The following SMARCA2 variants were observed in gnomAD, a reference collection of about 807,000 sequenced individuals.
SMARCA2 encodes SWI/SNF-related matrix-associated actin-dependent regulator of chromatin subfamily A member 2.
Under a neutral mutation model 199.8 loss-of-function variants are expected in SMARCA2, and 61 were observed. The observed-to-expected ratio is 0.31, with a 90% CI of 0.25 to 0.38. SMARCA2 has a LOEUF of 0.38. Ranked by LOEUF, SMARCA2 falls within the 10% of genes least tolerant of loss-of-function variation. The pLI, the probability that SMARCA2 is intolerant of heterozygous loss-of-function variation, is 1.00. For synonymous variants in SMARCA2, 935 were observed against 732.0 expected (o/e 1.28, Z -4.48); for missense variants, 1,344 against 2,012.2 (o/e 0.67, Z 6.35).
intron 27 of SMARCA2, among the ~76,000 whole-genome samples, chr9:2,155,587 G>A (rs7874706): frequency 1.3e-5 from 2 of 151,924 alleles, no homozygotes; most frequent in Admixed American, 6.6e-5. Context: ...GGGCATTTTC[G>A]TTTTTCCAAC....
intron 32 of SMARCA2, among the ~76,000 whole-genome samples, chr9:2,187,338 CCCAAATATT>C (rs1165070145): frequency 2.0e-5 from 3 of 152,044 alleles, no homozygotes; most frequent in African/African-American, 7.2e-5. Flanking sequence ...TGACTGATAA[CCCAAATATT>C]CCAAAGGTTA....
intron 22 of SMARCA2, among the ~76,000 whole-genome samples, chr9:2,102,132 AGTGTGTGTGTGTGTGT>A (rs71327397): frequency 1.4e-5 from 2 of 148,012 alleles, no homozygotes; most frequent in South Asian, 2.2e-4. Context: ...ATTAACAGAA[AGTGTGTGTGTGTGTGT>A]GTGTGTGTGT....
intron 1 of SMARCA2, among the ~76,000 whole-genome samples, chr9:2,026,415 A>G (rs1818833162): frequency 6.6e-6 from 1 of 152,142 alleles, no homozygotes; most frequent in Admixed American, 6.5e-5. Context: ...GACGTTTTTA[A>G]TAGTTTCCTT....
chr9:2,176,594 C>G (rs1482412554), intron 29 of SMARCA2, among the ~76,000 whole-genome samples: 1 of 152,066 alleles, frequency 6.6e-6, no homozygotes, highest in African/African-American at 2.4e-5. Flanking sequence ...CTCTGTTGAC[C>G]AGGCTGGACT....
chr9:2,105,025 T>C (rs1822690624), intron 23 of SMARCA2, among the ~76,000 whole-genome samples: 1 of 152,182 alleles, frequency 6.6e-6, no homozygotes, highest in Non-Finnish European at 1.5e-5. Context: ...AATGGGAAAC[T>C]TAAGGTTTAT....
At position 2,159,794 on chromosome 9, in the gene SMARCA2, C is replaced by T. The variant is rs761415225; in HGVS notation, c.3982-1892C>T. 3.1e-5 allele frequency: 50 copies of T among 1,603,956 alleles called. No homozygotes were observed. In the Middle Eastern group the frequency reaches 9.9e-4, roughly 32 times the overall value. ...ATGAAAACACAGCCTTTCCCCAGCT[C>T]TCTTTTTTTTCCTGATCAGCTGATG... On this transcript the variant is annotated intron_variant, in intron 27 of 33. Transcript: ENST00000349721.
intron 27 of SMARCA2, among the ~76,000 whole-genome samples, chr9:2,136,832 G>C (rs894096022): frequency 6.6e-6 from 1 of 152,194 alleles, no homozygotes; most frequent in Admixed American, 6.5e-5. Context: ...AGGGGTTTAA[G>C]CTGTTCAGGA....
Position 2,081,930 on chromosome 9 carries a change from A to G in SMARCA2, c.2283A>G (p.Ala761=). The part of the protein sequence containing the change: ...MGLGKTIQTI[A]LITYLMEHKR... ...TTGGAAAGACCATACAGACCATTGC[A>G]CTCATCACTTATCTGATGGAGCACA... The change falls in exon 15 of 34, where the codon GCA becomes GCG. Residue 761 remains alanine, a synonymous_variant. Transcript: ENST00000349721. 1 of 1,613,802 alleles carries G rather than the reference A, an allele frequency of 6.2e-7. No individual in the cohort carries two copies. Among genetic ancestry groups the G allele is most frequent in the Non-Finnish European group, 8.5e-7 (1 of 1,179,720 alleles).
At chr9:2,189,218 T>G (rs1827704683) in intron 32 of SMARCA2, among the ~76,000 whole-genome samples, 1 of 152,194 alleles carries the variant, frequency 6.6e-6, no homozygotes, top group South Asian at 2.1e-4. Context: ...ACTTGGTAGC[T>G]AGAACTTTTC....
rs924255781 is a variant in SMARCA2 at position 2,016,592 on chromosome 9, T to A, written c.-37+1188T>A. 6.6e-6 allele frequency among the ~76,000 whole-genome samples: 1 copy of A among 151,090 alleles called. No homozygotes were observed. The highest frequency in any genetic ancestry group is 1.5e-5 in the Non-Finnish European group (1 of 67,772). On this transcript the variant is annotated intron_variant, in intron 1 of 33. Transcript: ENST00000349721. This position sits in a 1 kb window ranked among gnomAD's most constrained non-coding sequence, Gnocchi z 5.6. ...ATCCGGATAATCCTGTCTGCCTGAC[T>A]GTCACAAACAGGACCCGCGCACCAC...
At chr9:2,092,500 G>T (rs1160547222) in intron 19 of SMARCA2, among the ~76,000 whole-genome samples, 2 of 152,204 alleles carry the variant, frequency 1.3e-5, no homozygotes, top group African/African-American at 4.8e-5. Context: ...TATATCGCAT[G>T]TAGTTTAGGT....
chr9:2,030,714 C>A (rs1819026781), intron 2 of SMARCA2, among the ~76,000 whole-genome samples: 1 of 151,996 alleles, frequency 6.6e-6, no homozygotes, highest in Non-Finnish European at 1.5e-5. Flanking sequence ...ATCTAGGCAC[C>A]TGAGGCCCAG....
intron 27 of SMARCA2, among the ~76,000 whole-genome samples, chr9:2,145,805 G>C (rs1349525560): frequency 6.6e-6 from 1 of 152,160 alleles, no homozygotes; most frequent in Non-Finnish European, 1.5e-5. Context: ...GGGGAATTGA[G>C]AAAAACGAAG....
chr9:2,036,122 G>T (rs1488719665), intron 3 of SMARCA2, among the ~76,000 whole-genome samples: 3 of 151,894 alleles, frequency 2.0e-5, no homozygotes, highest in Non-Finnish European at 4.4e-5. Context: ...TGATAACATT[G>T]TTTATTTTTA....
chr9:2,055,455 C>G (rs1468516034), intron 6 of SMARCA2: 1 of 152,174 alleles, frequency 6.6e-6, no homozygotes, highest in East Asian at 1.9e-4. Flanking sequence ...GCCTCACTAA[C>G]CCAAAGGGGA....
chr9:2,056,917 GA>G lies in SMARCA2; in HGVS notation c.1347+74del, dbSNP rs1563737413. On this transcript the variant is annotated intron_variant, in intron 7 of 33. Transcript: ENST00000349721. This position sits in a 1 kb window ranked among gnomAD's most constrained non-coding sequence, Gnocchi z 4.0. ...CCAATGAATTCATCAAATGGGGTCA[GA>G]ATGACTGAAAAATGGACCCTTGTGG... The G allele has an allele frequency of 5.7e-6, 8 of 1,414,294 alleles. No homozygotes were observed. The highest frequency in any genetic ancestry group is 7.7e-6 in the Non-Finnish European group (8 of 1,033,602). 87.6% of individuals were successfully genotyped at this position (1,414,294 alleles called of 1,614,324 possible).
In SMARCA2 at chr9:2,040,634, T is replaced by C. The variant is rs534745067; in HGVS notation, c.790+734T>C. 5.3e-4 allele frequency: 81 copies of C among 152,396 alleles called. 1 individual carries two copies. Among genetic ancestry groups the C allele is most frequent in the South Asian group, 5.2e-3 (25 of 4,828 alleles). The allele number at this position is 152,396 out of a possible 1,614,324, so 9.4% of individuals were successfully genotyped here. On this transcript the variant is annotated intron_variant, in intron 4 of 33. Coordinates refer to ENST00000349721, the MANE Select transcript of SMARCA2 (RefSeq NM_003070.5). ...TGATTTCCCAGGTGAGATTATTTTT[T>C]AAATTATTATCATCATCATTATTGT...
intron 9 of SMARCA2, among the ~76,000 whole-genome samples, chr9:2,069,417 G>A (rs1032461131): frequency 2.0e-5 from 3 of 151,622 alleles, no homozygotes; most frequent in Non-Finnish European, 4.4e-5. Context: ...AAATTAGCCG[G>A]GCGTGGTGGC....
rs1826125315 is a variant in SMARCA2 at position 2,169,529 on chromosome 9, T to C, written c.4200-890T>C. On this transcript the variant is annotated intron_variant, in intron 28 of 33. Transcript: ENST00000349721. The surrounding 1 kb of genome is among the most constrained non-coding windows in gnomAD (Gnocchi z 6.5). ...GCTTCCACCCCTCTGTTGATTTGTT[T>C]ATGGGTTTATGCTTTTCCCTCTCTG... Among the ~76,000 whole-genome samples the C allele has an allele frequency of 6.6e-6, 1 of 152,148 alleles. No homozygotes were observed. The highest frequency in any genetic ancestry group is 6.5e-5 in the Admixed American group (1 of 15,284).
Sources: gnomAD v4.1 joint callset for allele counts (sites outside exome capture counted in the v4.1 genomes callset) on GRCh38, gnomAD v4.1.1 for gene constraint, Gnocchi (gnomAD v3.1) non-coding constraint, MANE v1.5 for transcripts, NCBI Gene and HGNC (gene_info 2026-07-23, HGNC 2026-07-21) for gene names.